Variants in SLC26A7 observed in about 807,000 individuals in gnomAD.
SLC26A7 encodes the protein solute carrier family 26 member 7.
A neutral mutation model predicts 82.5 loss-of-function variants in SLC26A7; 59 were observed. The ratio of observed to expected loss-of-function variants is 0.72; its 90% CI spans 0.58 to 0.89. SLC26A7 has a LOEUF of 0.89. Among genes scored for constraint, SLC26A7 ranks in the 40% least tolerant of loss-of-function variants. The probability of loss-of-function intolerance (pLI) is 0.00; values close to 1 mark genes in which losing one functional copy is unlikely to be tolerated. For synonymous variants in SLC26A7, 271 were observed against 274.3 expected, an observed-to-expected ratio of 0.99 and a Z score of 0.12; for missense variants, 820 against 793.0, an observed-to-expected ratio of 1.03 and a Z score of -0.41.
At chr8:91,213,004 G>A (rs12549426) in intron 1 of SLC26A7, among the ~76,000 whole-genome samples, 72,391 of 151,996 alleles carry the variant, frequency 0.48, 18,665 homozygotes, top group South Asian at 0.66. Context: ...GCTGGATACA[G>A]TCACAGTAGT....
chr8:91,300,545 C>T (rs1448981272), intron 4 of SLC26A7, among the ~76,000 whole-genome samples: 1 of 151,886 alleles, frequency 6.6e-6, no homozygotes, highest in Non-Finnish European at 1.5e-5. Context: ...CTACAGGCGC[C>T]CGCCACTACG....
intron 5 of SLC26A7, among the ~76,000 whole-genome samples, chr8:91,325,960 G>T (rs965165595): frequency 6.6e-6 from 1 of 152,022 alleles, no homozygotes; most frequent in Non-Finnish European, 1.5e-5. Context: ...GATTTCTGAG[G>T]TTTTTTTCTG....
intron 2 of SLC26A7, among the ~76,000 whole-genome samples, chr8:91,269,431 C>A (rs1811206764): frequency 6.6e-6 from 1 of 151,962 alleles, no homozygotes; most frequent in Non-Finnish European, 1.5e-5. Context: ...TTTCCCTTAG[C>A]ACTTTGAATA....
intron 4 of SLC26A7, among the ~76,000 whole-genome samples, chr8:91,312,728 T>A (rs757711164): frequency 3.9e-5 from 6 of 151,998 alleles, no homozygotes; most frequent in Non-Finnish European, 5.9e-5. Flanking sequence ...TAGTTTTGAT[T>A]TGCATTTTCT....
intron 5 of SLC26A7, among the ~76,000 whole-genome samples, chr8:91,321,877 A>G (rs1203510317): frequency 6.8e-6 from 1 of 147,126 alleles, no homozygotes; most frequent in East Asian, 2.0e-4. Flanking sequence ...TGAGCTAATG[A>G]CCGAGTGTCT....
chr8:91,384,038 A>G (rs961351649), intron 15 of SLC26A7, among the ~76,000 whole-genome samples: 3 of 152,166 alleles, frequency 2.0e-5, no homozygotes, highest in Non-Finnish European at 4.4e-5. Context: ...CAATGCAGGT[A>G]TATTAGTTTC....
chr8:91,362,268 G>A (rs892718878), intron 11 of SLC26A7, 85 bp from the exon 12 acceptor site: 6 of 913,748 alleles, frequency 6.6e-6, no homozygotes, highest in Non-Finnish European at 1.0e-5. Context: ...AGAGTGTTAA[G>A]AATATGATTG....
At position 91,342,425 on chromosome 8, in the gene SLC26A7, A is replaced by T. The variant is rs1399445504; in HGVS notation, c.1027-928A>T. On this transcript the variant is annotated intron_variant, in intron 8 of 18. Coordinates refer to ENST00000276609, the MANE Select transcript of SLC26A7 (RefSeq NM_052832.4). Reference sequence around the variant, plus strand: ...GCTTACTAGAAACAGCAGATGCAAAAATACTGTTAAGGGGAATTTGCAATA... The same window carrying T: ...GCTTACTAGAAACAGCAGATGCAAATATACTGTTAAGGGGAATTTGCAATA... Among the ~76,000 whole-genome samples the T allele has an allele frequency of 3.9e-5, 6 of 152,292 alleles. No individual in the cohort carries two copies. In the East Asian group the frequency reaches 9.6e-4, roughly 24 times the overall value.
chr8:91,394,498 A>C, intron 18 of SLC26A7: 1 of 1,321,086 alleles, frequency 7.6e-7, no homozygotes, highest in South Asian at 2.2e-5. Context: ...TGAAGTGTCA[A>C]AGTTATTTTA....
At chr8:91,283,077 G>T (rs1811617811) in intron 2 of SLC26A7, among the ~76,000 whole-genome samples, 1 of 152,168 alleles carries the variant, frequency 6.6e-6, no homozygotes, top group Non-Finnish European at 1.5e-5. Context: ...CCATAAATGT[G>T]AGCTAAAAAC....
chr8:91,219,891 A>C (rs1043571212), intron 2 of SLC26A7, among the ~76,000 whole-genome samples: 2 of 152,176 alleles, frequency 1.3e-5, no homozygotes, highest in Admixed American at 1.3e-4. Context: ...AAAAGTGAGA[A>C]ATGTCATTAT....
intron 2 of SLC26A7, among the ~76,000 whole-genome samples, chr8:91,225,749 A>T (rs1259097843): frequency 7.4e-6 from 1 of 134,598 alleles, no homozygotes; most frequent in African/African-American, 2.9e-5. Context: ...TTATCCATCC[A>T]TCTATCTCAG....
intron 11 of SLC26A7, among the ~76,000 whole-genome samples, chr8:91,358,329 C>CTT (rs71273702): frequency 6.6e-4 from 88 of 133,298 alleles, no homozygotes; most frequent in African/African-American, 1.2e-3. Flanking sequence ...TTTTCTTTTT[C>CTT]TTTTTTTTTT....
At chr8:91,343,972 G>A (rs1181963043) in intron 9 of SLC26A7, 1 of 832,216 alleles carries the variant, frequency 1.2e-6, no homozygotes, top group Non-Finnish European at 1.4e-6. Context: ...TCTATTGAGG[G>A]CCTGTGATAT....
At chr8:91,362,291 C>A (rs755264521) in intron 11 of SLC26A7, 62 bp from the exon 12 acceptor site, 76 of 1,224,210 alleles carry the variant, frequency 6.2e-5, no homozygotes, top group Non-Finnish European at 7.8e-5. Flanking sequence ...AGGAACTTAG[C>A]AATAATGAGA....
At chr8:91,330,372 G>A (rs1813046970) in intron 5 of SLC26A7, among the ~76,000 whole-genome samples, 1 of 152,100 alleles carries the variant, frequency 6.6e-6, no homozygotes, top group Non-Finnish European at 1.5e-5. Flanking sequence ...GTCCTTTGAT[G>A]AGGAAACCTA....
intron 7 of SLC26A7, among the ~76,000 whole-genome samples, chr8:91,340,055 A>C (rs941339794): frequency 6.6e-6 from 1 of 152,200 alleles, no homozygotes; most frequent in Admixed American, 6.5e-5. Flanking sequence ...AACACCAGCC[A>C]AATAAATATT....
rs763549753 is a variant in SLC26A7, at chr8:91,395,096, G to C, written c.1970G>C (p.Ter657SerextTer15). 1 of 1,613,444 alleles carries C rather than the reference G, an allele frequency of 6.2e-7. No homozygotes were observed. Among genetic ancestry groups the C allele is most frequent in the Non-Finnish European group, 8.5e-7 (1 of 1,179,410 alleles). ...LSKLSDHSEV* is the reference protein window; with the variant it reads ...LSKLSDHSEVS ...AAACTCAGTGACCACAGTGAAGTCT[G>C]AGACCCTTTTGTCACAGTACAGCTC... The change falls in exon 19 of 19, where the codon TGA becomes TCA. Residue 657 changes from the stop codon to serine (S), a stop_lost. Transcript: ENST00000276609.
chr8:91,362,403 G>A lies in SLC26A7; in HGVS notation c.1365G>A (p.Val455=), dbSNP rs201375439. 6.2e-6 allele frequency: 10 copies of A among 1,613,374 alleles called. No homozygotes were observed. In the East Asian group the frequency reaches 1.8e-4, roughly 29 times the overall value. ...TTACAATATGCTTTGCTGCCAATGT[G>A]GGACTGCTGTTTGGTGTTGTTTGTA... ...YVFTICFAAN[V]GLLFGVVCTI... Residue 455 remains valine, a synonymous_variant, in exon 12 of 19, where the codon GTG becomes GTA. Coordinates refer to ENST00000276609, the MANE Select transcript of SLC26A7 (RefSeq NM_052832.4).
Sources: allele counts gnomAD v4.1 joint callset (sites outside exome capture counted in the v4.1 genomes callset), GRCh38; gene constraint gnomAD v4.1.1; transcripts MANE v1.5; gene names NCBI Gene and HGNC (gene_info 2026-07-23, HGNC 2026-07-21).